The following TMEM183A variants were observed in gnomAD, a reference collection of about 807,000 sequenced individuals.
TMEM183A encodes the protein transmembrane protein 183A.
TMEM183A carries 21 observed loss-of-function variants against 46.7 expected under a neutral mutation model. That is an observed-to-expected ratio of 0.45 (90% CI 0.32 to 0.65). The LOEUF is 0.65. Among genes scored for constraint, TMEM183A ranks in the 30% least tolerant of loss-of-function variants. TMEM183A has a pLI of 0.04. For synonymous variants in TMEM183A, 165 were observed against 180.2 expected (o/e 0.92, Z 0.68); for missense variants, 331 against 481.9 (o/e 0.69, Z 2.93).
intron 3 of TMEM183A, among the ~76,000 whole-genome samples, chr1:203,011,757 A>G (rs1191009326): frequency 1.3e-5 from 2 of 152,048 alleles, no homozygotes; most frequent in Admixed American, 6.6e-5. Context: ...TCAGATTACT[A>G]GTCACTTATC....
intron 7 of TMEM183A, among the ~76,000 whole-genome samples, chr1:203,022,274 G>T (rs1158056770): frequency 6.6e-6 from 1 of 151,932 alleles, no homozygotes; most frequent in Non-Finnish European, 1.5e-5. Flanking sequence ...GGTTTGCTCA[G>T]GCTGGTCTCA....
At chr1:203,007,662 C>T in intron 1 of TMEM183A, 88 bp downstream of exon 1, 2 of 1,538,760 alleles carry the variant, frequency 1.3e-6, no homozygotes, top group South Asian at 1.2e-5. Flanking sequence ...CGCTCGCGTG[C>T]CCGCGGCTGG....
In TMEM183A at chr1:203,007,513, C is replaced by T; in HGVS notation, c.48C>T (p.Val16=). The part of the protein sequence containing the change: ...GPLGRPRPDT[V]AMPKRGKRLK... ...TAGGCAGGCCTCGCCCCGATACGGT[C>T]GCCATGCCCAAGAGAGGAAAGCGAC... Residue 16 remains valine (V), a synonymous_variant, in exon 1 of 8, where the codon GTC becomes GTT. Coordinates refer to ENST00000367242, the MANE Select transcript of TMEM183A (RefSeq NM_138391.6). 1.3e-6 allele frequency: 2 copies of T among 1,533,208 alleles called. No homozygotes were observed. Among genetic ancestry groups the T allele is most frequent in the South Asian group, 1.2e-5 (1 of 84,202 alleles). 95.0% of individuals were successfully genotyped at this position (1,533,208 alleles called of 1,614,324 possible). A position where few individuals can be genotyped will look rare whatever the true frequency, so the allele number is the denominator to read the frequency against.
Position 203,008,495 on chromosome 1 carries a change from AT to A in TMEM183A, c.200-140del, listed in dbSNP as rs199563095. 1,383 of 464,936 alleles carry A rather than the reference AT, an allele frequency of 3.0e-3. 12 individuals carry two copies. In the African/African-American group the frequency reaches 0.047, roughly 16 times the overall value. The allele number at this position is 464,936 out of a possible 1,614,324, so 28.8% of individuals were successfully genotyped here. On this transcript the variant is annotated intron_variant, in intron 2 of 7. Coordinates refer to ENST00000367242, the MANE Select transcript of TMEM183A (RefSeq NM_138391.6). ...TTGTATTTAAAATACTAAAATCTTT[AT>A]TTTTTTTGGTGACAGATTCTCACCT...
At position 203,015,841 on chromosome 1, in the gene TMEM183A, A is replaced by G. The variant is rs569027121; in HGVS notation, c.528-119A>G. On this transcript the variant is annotated intron_variant, in intron 4 of 7. Transcript: ENST00000367242. ...GGTCAAGTAGCACTGGGGACAGGCTATCTACTGGCCAGTGGAATAGTGCAG... is the reference window on the plus strand; with the variant it reads ...GGTCAAGTAGCACTGGGGACAGGCTGTCTACTGGCCAGTGGAATAGTGCAG... 1.8e-5 allele frequency: 23 copies of G among 1,268,672 alleles called. No individual in the cohort carries two copies. In the African/African-American group the frequency reaches 1.9e-4, roughly 11 times the overall value. 78.6% of individuals were successfully genotyped at this position (1,268,672 alleles called of 1,614,324 possible). A position where few individuals can be genotyped will look rare whatever the true frequency, so the allele number is the denominator to read the frequency against.
In TMEM183A at chr1:203,022,876, G is replaced by A; in HGVS notation, c.967G>A (p.Asp323Asn). 1 of 1,613,788 alleles carries A rather than the reference G, an allele frequency of 6.2e-7. No individual in the cohort carries two copies. ...TCAGTTTACTATCAATGTGAGCACG[G>A]ACATGCGGCATCATCGAGTGAGACT... ...FTLFTINVST[D>N]MRHHRVRLVF... Residue 323 changes from aspartate to asparagine, a missense_variant, in exon 8 of 8, where the codon GAC becomes AAC. Asp to Asn is a conservative substitution (Grantham distance 23). Around this residue, in one of 2 missense-constraint regions of TMEM183A, gnomAD observed 233 missense variants for 385.8 expected, o/e 0.60. Coordinates refer to ENST00000367242, the MANE Select transcript of TMEM183A (RefSeq NM_138391.6).
In TMEM183A at chr1:203,011,648, A is replaced by G. The variant is rs567864980; in HGVS notation, c.367+2838A>G. Among the ~76,000 whole-genome samples, 7 of 152,254 alleles carry G rather than the reference A, an allele frequency of 4.6e-5. No individual in the cohort carries two copies. The South Asian group carries it at 1.5e-3, about 32-fold the overall frequency. On this transcript the variant is annotated intron_variant, in intron 3 of 7. Transcript: ENST00000367242. ...GGTCTCGAACTCCAGACCTCCGGTG[A>G]TCCACCTGCCTCGGCCTCCCAAAGT...
intron 3 of TMEM183A, among the ~76,000 whole-genome samples, chr1:203,014,419 A>G (rs1656971537): frequency 6.6e-6 from 1 of 152,172 alleles, no homozygotes; most frequent in South Asian, 2.1e-4. Context: ...CCTGGTCAAC[A>G]TGGTGAAACC....
chr1:203,016,271 T>TG, intron 5 of TMEM183A, 131 bp downstream of exon 5: 1 of 1,314,928 alleles, frequency 7.6e-7, no homozygotes, highest in Non-Finnish European at 1.1e-6. Context: ...AATGTAAACT[T>TG]CAGGGCTCAG....
chr1:203,010,085 G>C (rs1656407816), intron 3 of TMEM183A, among the ~76,000 whole-genome samples: 1 of 150,842 alleles, frequency 6.6e-6, no homozygotes, highest in African/African-American at 2.4e-5. Context: ...AGTGAGCCGA[G>C]ATTGCATTGC....
chr1:203,023,973 A>C lies in TMEM183A; in HGVS notation c.*933A>C, dbSNP rs182443802. 1.6e-4 allele frequency: 24 copies of C among 152,368 alleles called. No individual in the cohort carries two copies. In the East Asian group the frequency reaches 4.6e-3, roughly 29 times the overall value. The allele number at this position is 152,368 out of a possible 1,614,324, so 9.4% of individuals were successfully genotyped here. A position where few individuals can be genotyped will look rare whatever the true frequency, so the allele number is the denominator to read the frequency against. ...GTATATGTTATTCTAATCAGCCAAA[A>C]AAGTTTAGAAGATTGATGAAATGAT... On this transcript the variant is annotated 3_prime_UTR_variant, in exon 8 of 8. Coordinates refer to ENST00000367242, the MANE Select transcript of TMEM183A (RefSeq NM_138391.6).
At position 203,014,265 on chromosome 1, in the gene TMEM183A, T is replaced by A. The variant is rs566763919; in HGVS notation, c.368-624T>A. On this transcript the variant is annotated intron_variant, in intron 3 of 7. Coordinates refer to ENST00000367242, the MANE Select transcript of TMEM183A (RefSeq NM_138391.6). ...TATTTTTCTTATTCCATTGAAGAAT[T>A]ATTAGAGTTGAATGATACAACGTGT... Among the ~76,000 whole-genome samples the A allele has an allele frequency of 7.2e-5, 11 of 152,316 alleles. No individual in the cohort carries two copies. In the East Asian group the frequency reaches 2.1e-3, roughly 29 times the overall value.
At chr1:203,012,281 T>A (rs1444853933) in intron 3 of TMEM183A, among the ~76,000 whole-genome samples, 9 of 73,920 alleles carry the variant, frequency 1.2e-4, no homozygotes, top group South Asian at 4.7e-4. Flanking sequence ...ACACACACGG[T>A]TATTTTGAAA....
intron 1 of TMEM183A, 35 bp from the exon 2 acceptor site, chr1:203,007,739 A>C: frequency 1.9e-6 from 3 of 1,610,030 alleles, no homozygotes. Context: ...TGACGAGAGA[A>C]GGCCTCTTCC....
At chr1:203,012,235 T>TCA (rs56743654) in intron 3 of TMEM183A, among the ~76,000 whole-genome samples, 5,392 of 80,792 alleles carry the variant, frequency 0.067, 570 homozygotes, top group East Asian at 0.086. Flanking sequence ...CCCCACTCCA[T>TCA]CACACACACA....
intron 3 of TMEM183A, among the ~76,000 whole-genome samples, chr1:203,010,997 A>G (rs1188369810): frequency 2.0e-5 from 3 of 152,210 alleles, no homozygotes; most frequent in African/African-American, 7.2e-5. Context: ...AATGTTTTCA[A>G]GGTTCATCCA....
chr1:203,021,783 C>T (rs1483646412), intron 7 of TMEM183A, among the ~76,000 whole-genome samples: 3 of 152,186 alleles, frequency 2.0e-5, no homozygotes, highest in Non-Finnish European at 4.4e-5. Context: ...TTTTCATTGG[C>T]TTGGCAACTG....
intron 7 of TMEM183A, among the ~76,000 whole-genome samples, chr1:203,021,652 T>G (rs1002931664): frequency 4.6e-5 from 7 of 152,182 alleles, no homozygotes; most frequent in Non-Finnish European, 8.8e-5. Context: ...AATGGGATAT[T>G]AAAATACAGG....
Position 203,018,012 on chromosome 1 carries a change from T to C in TMEM183A, c.709-469T>C, listed in dbSNP as rs568734249. 3 of 941,508 alleles carry C rather than the reference T, an allele frequency of 3.2e-6. No homozygotes were observed. In the African/African-American group the frequency reaches 5.3e-5, roughly 17 times the overall value. 58.3% of individuals were successfully genotyped at this position (941,508 alleles called of 1,614,324 possible). A position where few individuals can be genotyped will look rare whatever the true frequency, so the allele number is the denominator to read the frequency against. On this transcript the variant is annotated intron_variant, in intron 5 of 7. Coordinates refer to ENST00000367242, the MANE Select transcript of TMEM183A (RefSeq NM_138391.6). ...AATTCAGCCTAGCTCTGTAGTTTCC[T>C]TACTGGCTGTCTGCTCCCAGAAGGT... is the stretch of plus-strand genomic sequence containing the variant.
Sources: gnomAD v4.1 joint callset for allele counts (sites outside exome capture counted in the v4.1 genomes callset) on GRCh38, gnomAD v4.1.1 for gene constraint, gnomAD v4.1.1 regional missense constraint, MANE v1.5 for transcripts, NCBI Gene and HGNC (gene_info 2026-07-23, HGNC 2026-07-21) for gene names.